The following ARID5B variants were observed in gnomAD, a reference collection of about 807,000 sequenced individuals.
The protein encoded by ARID5B is AT-rich interaction domain 5B.
A neutral mutation model predicts 97.2 loss-of-function variants in ARID5B; 13 were observed. The observed-to-expected ratio is 0.13, with a 90% CI of 0.09 to 0.21. The LOEUF (loss-of-function observed/expected upper bound fraction) is 0.21, where lower values mean the gene tolerates loss of function less well. ARID5B is among the 10% of genes least tolerant of loss of function. ARID5B has a pLI of 1.00. For missense variants in ARID5B, 1,210 were observed against 1,465.3 expected, an observed-to-expected ratio of 0.83 and a Z score of 2.84; for synonymous variants, 556 against 570.3, an observed-to-expected ratio of 0.97 and a Z score of 0.36.
rs1467104883 is a variant in ARID5B at position 62,000,951 on chromosome 10, G to A, written c.733+630G>A. Among the ~76,000 whole-genome samples, 1 of 152,070 alleles carries A rather than the reference G, an allele frequency of 6.6e-6. No homozygotes were observed. The highest frequency in any genetic ancestry group is 1.5e-5 in the Non-Finnish European group (1 of 68,020). On this transcript the variant is annotated intron_variant, in intron 4 of 9. Coordinates refer to ENST00000279873, the MANE Select transcript of ARID5B (RefSeq NM_032199.3). This position sits in a 1 kb window ranked among gnomAD's most constrained non-coding sequence, Gnocchi z 4.4. ...ACATGCACACGTACACGCACATTGT[G>A]CCCACCAAAGATGGATACATATCTT...
intron 7 of ARID5B, among the ~76,000 whole-genome samples, chr10:62,061,067 A>G (rs1022940091): frequency 6.6e-6 from 1 of 152,230 alleles, no homozygotes; most frequent in South Asian, 2.1e-4. Context: ...ACCTGACCAC[A>G]TATTTACTGA....
intron 2 of ARID5B, among the ~76,000 whole-genome samples, chr10:61,904,981 AT>A (rs1457621501): frequency 3.3e-5 from 5 of 152,224 alleles, no homozygotes; most frequent in Non-Finnish European, 5.9e-5. Context: ...AGAAACCAGC[AT>A]TTACTGCTGG....
At chr10:61,986,927 C>A (rs1036656751) in intron 3 of ARID5B, among the ~76,000 whole-genome samples, 1 of 152,136 alleles carries the variant, frequency 6.6e-6, no homozygotes, top group African/African-American at 2.4e-5. Flanking sequence ...AGTTTGGGAA[C>A]CCAAGGCTTA....
At position 62,091,881 on chromosome 10, in the gene ARID5B, T is replaced by C. The variant is rs1840380260; in HGVS notation, c.2418T>C (p.Ile806=). 6.2e-7 allele frequency: 1 copy of C among 1,614,020 alleles called. No individual in the cohort carries two copies. The highest frequency in any genetic ancestry group is 8.5e-7 in the Non-Finnish European group (1 of 1,180,010). ...LADSYVLKQE[I]QEGKDKLLEK... Reference sequence around the variant, plus strand: ...ACTCCTACGTCCTGAAGCAAGAAATTCAGGAGGGCAAGGATAAACTCTTAG... The same window carrying C: ...ACTCCTACGTCCTGAAGCAAGAAATCCAGGAGGGCAAGGATAAACTCTTAG... The change falls in exon 10 of 10, where the codon ATT becomes ATC. Residue 806 remains isoleucine, a synonymous_variant. Coordinates refer to ENST00000279873, the MANE Select transcript of ARID5B (RefSeq NM_032199.3).
At position 61,902,144 on chromosome 10, in the gene ARID5B, T is replaced by G. The variant is rs56102370; in HGVS notation, c.22-15T>G. ...GGCTACATTATTTATTTGGTGTTTT[T>G]TTCCCCCCCTGCAGTGGGTCGGCTC... is the stretch of plus-strand genomic sequence containing the variant. On this transcript the variant is annotated splice_polypyrimidine_tract_variant and intron_variant, in intron 1 of 9. Transcript: ENST00000279873. 4 of 1,610,508 alleles carry G rather than the reference T, an allele frequency of 2.5e-6. No individual in the cohort carries two copies. The highest frequency in any genetic ancestry group is 1.3e-5 in the African/African-American group (1 of 74,610).
intron 3 of ARID5B, among the ~76,000 whole-genome samples, chr10:61,989,974 T>C (rs376045560): frequency 2.0e-5 from 3 of 152,198 alleles, no homozygotes; most frequent in African/African-American, 7.2e-5. Context: ...GCTGTTCTGA[T>C]TGCTGGCTCA....
At chr10:62,061,490 A>G (rs1839920443) in intron 7 of ARID5B, among the ~76,000 whole-genome samples, 1 of 152,186 alleles carries the variant, frequency 6.6e-6, no homozygotes, top group Non-Finnish European at 1.5e-5. Context: ...TGGAGAGAAG[A>G]TGGAACCAAG....
At chr10:61,940,967 T>TA (rs1564608344) in intron 3 of ARID5B, among the ~76,000 whole-genome samples, 6 of 21,580 alleles carry the variant, frequency 2.8e-4, no homozygotes, top group South Asian at 2.8e-3. Context: ...ATATATATAT[T>TA]TTTTTTTTTT....
In ARID5B at chr10:61,990,579, G is replaced by C. The variant is rs144949112; in HGVS notation, c.503-9512G>C. Among the ~76,000 whole-genome samples the C allele has an allele frequency of 8.5e-5, 13 of 152,238 alleles. No individual in the cohort carries two copies. In the East Asian group the frequency reaches 2.3e-3, roughly 27 times the overall value. ...AATTACATTTGTCAGCACTCTCAAAGGTCTAGGAGGGATACCAAAGAATTA... is the reference window on the plus strand; with the variant it reads ...AATTACATTTGTCAGCACTCTCAAACGTCTAGGAGGGATACCAAAGAATTA... On this transcript the variant is annotated intron_variant, in intron 3 of 9. Coordinates refer to ENST00000279873, the MANE Select transcript of ARID5B (RefSeq NM_032199.3).
chr10:61,993,509 C>T (rs780025414), intron 3 of ARID5B, among the ~76,000 whole-genome samples: 11 of 151,998 alleles, frequency 7.2e-5, no homozygotes, highest in Non-Finnish European at 1.0e-4. Context: ...AATTACCTTC[C>T]GAGAAATTAT....
intron 3 of ARID5B, among the ~76,000 whole-genome samples, chr10:61,949,110 C>T (rs968081104): frequency 1.3e-5 from 2 of 152,138 alleles, no homozygotes; most frequent in African/African-American, 2.4e-5. Flanking sequence ...ATAGGGCTTG[C>T]CCAAACTGAT....
At chr10:61,977,684 T>C (rs1838719503) in intron 3 of ARID5B, among the ~76,000 whole-genome samples, 1 of 152,222 alleles carries the variant, frequency 6.6e-6, no homozygotes. Flanking sequence ...TCATATCCTT[T>C]GCCCACTTTT....
chr10:62,045,725 AT>A (rs1839699311), intron 4 of ARID5B, among the ~76,000 whole-genome samples: 2 of 152,210 alleles, frequency 1.3e-5, no homozygotes, highest in African/African-American at 2.4e-5. Flanking sequence ...CCCAGCCAGT[AT>A]TTTAAGATTA....
intron 3 of ARID5B, among the ~76,000 whole-genome samples, chr10:61,951,270 A>G (rs1356862624): frequency 6.6e-6 from 1 of 152,198 alleles, no homozygotes; most frequent in Non-Finnish European, 1.5e-5. Flanking sequence ...GGCTGAGCAA[A>G]TAGTGCTGAT....
intron 2 of ARID5B, among the ~76,000 whole-genome samples, chr10:61,926,292 G>A (rs1429883530): frequency 1.3e-5 from 2 of 152,192 alleles, no homozygotes; most frequent in Non-Finnish European, 2.9e-5. Flanking sequence ...GGTGGGGAAA[G>A]GTGCATTTGT....
chr10:62,080,141 G>A (rs1236163339), intron 8 of ARID5B, among the ~76,000 whole-genome samples: 1 of 152,114 alleles, frequency 6.6e-6, no homozygotes, highest in Non-Finnish European at 1.5e-5. Flanking sequence ...TTCTTACTCC[G>A]TGGTTTGGTG....
At chr10:61,933,042 A>T (rs1024685044) in intron 2 of ARID5B, among the ~76,000 whole-genome samples, 9 of 152,310 alleles carry the variant, frequency 5.9e-5, no homozygotes, top group Middle Eastern at 3.4e-3. Flanking sequence ...ATGCACTCCA[A>T]CCTGGCCAAC....
intron 2 of ARID5B, among the ~76,000 whole-genome samples, chr10:61,921,078 C>T: frequency 7.2e-6 from 1 of 138,794 alleles, no homozygotes; most frequent in East Asian, 2.0e-4. Flanking sequence ...TCTAGGAATA[C>T]TTGAAACATA....
At chr10:61,946,857 G>A (rs1838245242) in intron 3 of ARID5B, among the ~76,000 whole-genome samples, 1 of 152,070 alleles carries the variant, frequency 6.6e-6, no homozygotes, top group South Asian at 2.1e-4. Context: ...GGAGGAGGAG[G>A]TTGTAGTGAG....
Sources: gnomAD v4.1 joint callset for allele counts (sites outside exome capture counted in the v4.1 genomes callset) on GRCh38, gnomAD v4.1.1 for gene constraint, Gnocchi (gnomAD v3.1) non-coding constraint, MANE v1.5 for transcripts, NCBI Gene and HGNC (gene_info 2026-07-23, HGNC 2026-07-21) for gene names.